DNAH10: variants seen among roughly 807,000 people sequenced by gnomAD.
The protein encoded by DNAH10 is axonemal beta dynein heavy chain 10.
In DNAH10, 348 loss-of-function variants were observed where a neutral mutation model predicts 506.6. The observed-to-expected ratio is 0.69, with a 90% CI of 0.63 to 0.75. DNAH10 has a LOEUF of 0.75. DNAH10 is among the 30% of genes least tolerant of loss of function. DNAH10 has a pLI of 0.00. For missense variants in DNAH10, 5,179 were observed against 5,787.1 expected (o/e 0.89, Z 3.41); for synonymous variants, 2,059 against 2,198.6 (o/e 0.94, Z 1.78).
rs1954462345 is a variant in DNAH10 at position 123,916,028 on chromosome 12, C to T, written c.10723-429C>T. Among the ~76,000 whole-genome samples, 1 of 152,166 alleles carries T rather than the reference C, an allele frequency of 6.6e-6. No homozygotes were observed. The highest frequency in any genetic ancestry group is 2.4e-5 in the African/African-American group (1 of 41,434). On this transcript the variant is annotated intron_variant, in intron 62 of 78. Coordinates refer to ENST00000673944, the MANE Select transcript of DNAH10 (RefSeq NM_001372106.1). The surrounding 1 kb of genome is among the most constrained non-coding windows in gnomAD (Gnocchi z 4.6). ...CTGTTAGAGGAAGCCCATTTGTACT[C>T]CAAGGTCAGGGGAACAGTCTGCCTC...
intron 21 of DNAH10, 101 bp downstream of exon 21, chr12:123,814,013 C>A: frequency 8.7e-7 from 1 of 1,143,016 alleles, no homozygotes; most frequent in South Asian, 1.8e-5. Flanking sequence ...GATTTGTTTT[C>A]AAATAAGTGA....
chr12:123,865,872 T>G, intron 40 of DNAH10, 79 bp from the exon 41 acceptor site: 5 of 1,395,414 alleles, frequency 3.6e-6, no homozygotes, highest in Non-Finnish European at 4.7e-6. Flanking sequence ...GTAAAAACTT[T>G]CCATAAGAGA....
At chr12:123,766,180 CATCT>C (rs1254547216) in intron 1 of DNAH10, among the ~76,000 whole-genome samples, 8 of 151,996 alleles carry the variant, frequency 5.3e-5, no homozygotes, top group South Asian at 2.1e-4. Context: ...TCTATCTATA[CATCT>C]ATCTATCTAT....
chr12:123,912,747 A>T (rs2137466129), intron 59 of DNAH10, among the ~76,000 whole-genome samples: 2 of 152,314 alleles, frequency 1.3e-5, no homozygotes, highest in South Asian at 4.1e-4. Context: ...TATAGCTCGG[A>T]ATTGTATTAT....
At position 123,853,117 on chromosome 12, in the gene DNAH10, G is replaced by T. The variant is rs183668076; in HGVS notation, c.6292-89G>T. The T allele has an allele frequency of 7.4e-7, 1 of 1,344,450 alleles. No individual in the cohort carries two copies. Among genetic ancestry groups the T allele is most frequent in the East Asian group, 2.6e-5 (1 of 38,832 alleles). 83.3% of individuals were successfully genotyped at this position (1,344,450 alleles called of 1,614,324 possible). On this transcript the variant is annotated intron_variant, in intron 35 of 78. Coordinates refer to ENST00000673944, the MANE Select transcript of DNAH10 (RefSeq NM_001372106.1). The surrounding 1 kb of genome is among the most constrained non-coding windows in gnomAD (Gnocchi z 4.7). Reference sequence around the variant, plus strand: ...CAGCTGCACTGGAACACCTGCCCCCGTTTTCTTGCATTTGTAGAATGATGC... The same window carrying T: ...CAGCTGCACTGGAACACCTGCCCCCTTTTTCTTGCATTTGTAGAATGATGC...
chr12:123,890,752 ATTCAC>A (rs2137156885), intron 52 of DNAH10, among the ~76,000 whole-genome samples: 1 of 152,250 alleles, frequency 6.6e-6, no homozygotes, highest in South Asian at 2.1e-4. Flanking sequence ...AAGTGGGTGG[ATTCAC>A]GAGGTATTCA....
intron 51 of DNAH10, among the ~76,000 whole-genome samples, chr12:123,882,733 A>C (rs1445973310): frequency 6.9e-6 from 1 of 144,506 alleles, no homozygotes; most frequent in African/African-American, 2.6e-5. Context: ...CAGAGGTTGC[A>C]GTGAGCTGAG....
In DNAH10 at chr12:123,851,072, C is replaced by A. The variant is rs1439728117; in HGVS notation, c.6287C>A (p.Ala2096Asp). Reference protein sequence around the residue: ...IMLFSEGFLEAKTLAKKMTVL... With the variant: ...IMLFSEGFLEDKTLAKKMTVL... ...CTCTTCTCTGAGGGCTTCCTGGAGG[C>A]CAAGGTGGGGGGCCTTGGCAGCGCC... Residue 2096 changes from alanine (A) to aspartate (D), a missense_variant, in exon 35 of 79, where the codon GCC (alanine) becomes GAC (aspartate). Ala to Asp is a moderately radical substitution (Grantham distance 126). This residue lies in a region of DNAH10 where 4,844 missense variants were observed against 5,430.5 expected (regional missense o/e 0.89). Coordinates refer to ENST00000673944, the MANE Select transcript of DNAH10 (RefSeq NM_001372106.1). The A allele has an allele frequency of 6.3e-7, 1 of 1,598,464 alleles. No homozygotes were observed. Among genetic ancestry groups the A allele is most frequent in the African/African-American group, 1.3e-5 (1 of 74,588 alleles).
chr12:123,838,551 G>A lies in DNAH10; in HGVS notation c.4998G>A (p.Glu1666=), dbSNP rs1176772496. The part of the protein sequence containing the change: ...SDLQNVSEGL[E]KCQKSLNDYL... Reference sequence around the variant, plus strand: ...TACAGAACGTCAGCGAGGGCCTGGAGAAATGCCAGAAAAGCCTCAACGACT... The same window carrying A: ...TACAGAACGTCAGCGAGGGCCTGGAAAAATGCCAGAAAAGCCTCAACGACT... The change falls in exon 29 of 79, where the codon GAG becomes GAA. Residue 1666 remains glutamate (E), a synonymous_variant. Coordinates refer to ENST00000673944, the MANE Select transcript of DNAH10 (RefSeq NM_001372106.1). 4 of 1,613,916 alleles carry A rather than the reference G, an allele frequency of 2.5e-6. No homozygotes were observed. The African/African-American group carries it at 5.3e-5, about 22-fold the overall frequency.
rs371788756 is a variant in DNAH10 at position 123,783,273 on chromosome 12, T to C, written c.999+9T>C. On this transcript the variant is annotated intron_variant, in intron 7 of 78. Coordinates refer to ENST00000673944, the MANE Select transcript of DNAH10 (RefSeq NM_001372106.1). ...TGAAGAAGACACCTCAGGTAGTTTG[T>C]GCAGGGCTTTCAGAGAGCCCCGATC... is the stretch of plus-strand genomic sequence containing the variant. 30 of 1,613,198 alleles carry C rather than the reference T, an allele frequency of 1.9e-5. No individual in the cohort carries two copies. In the African/African-American group the frequency reaches 3.5e-4, roughly 19 times the overall value.
At chr12:123,847,019 C>T (rs1437970928) in intron 32 of DNAH10, among the ~76,000 whole-genome samples, 1 of 152,022 alleles carries the variant, frequency 6.6e-6, no homozygotes, top group Non-Finnish European at 1.5e-5. Context: ...GTTAGGGTTC[C>T]ACAGAGAAAT....
chr12:123,933,397 G>A lies in DNAH10; in HGVS notation c.13363G>A (p.Ala4455Thr). The change falls in exon 77 of 79, where the codon GCG (alanine) becomes ACG (threonine). Residue 4455 changes from alanine to threonine, a missense_variant. This residue lies in a region of DNAH10 where 4,844 missense variants were observed against 5,430.5 expected (regional missense o/e 0.89). Transcript: ENST00000673944. ...GLHIPESYLT[A>T]LVQATCRKNG... is the part of the protein sequence containing the mutation. ...GCACATCCCTGAGTCCTACCTCACG[G>A]CGCTGGTGCAGGCCACCTGCCGGAA... 6.2e-7 allele frequency: 1 copy of A among 1,611,738 alleles called. No individual in the cohort carries two copies. Among genetic ancestry groups the A allele is most frequent in the East Asian group, 2.2e-5 (1 of 44,832 alleles).
rs747263454 is a variant in DNAH10, at chr12:123,877,798, C to G, written c.8262C>G (p.Tyr2754Ter). ...TGACATTCTGCACGCTAGCACTTTA[C>G]AAAAATATTGTGCAAGACCTACCTC... ...GKLTFCTLAL[Y>*]KNIVQDLPPT... The change falls in exon 48 of 79, where the codon TAC becomes TAG. Residue 2754 changes from tyrosine to a stop codon, truncating the protein, a stop_gained. Coordinates refer to ENST00000673944, the MANE Select transcript of DNAH10 (RefSeq NM_001372106.1). LOFTEE classifies it high-confidence loss of function. The G allele has an allele frequency of 8.1e-6, 13 of 1,613,806 alleles. No homozygotes were observed. The highest frequency in any genetic ancestry group is 3.4e-6 in the Non-Finnish European group (4 of 1,179,894).
chr12:123,909,302 A>C lies in DNAH10; in HGVS notation c.9857A>C (p.Glu3286Ala), dbSNP rs531284346. 2.5e-6 allele frequency: 4 copies of C among 1,613,544 alleles called. No homozygotes were observed. The African/African-American group carries it at 5.3e-5, about 21-fold the overall frequency. Residue 3286 changes from glutamate (E) to alanine (A), a missense_variant, in exon 58 of 79, where the codon GAA becomes GCA. Coordinates refer to ENST00000673944, the MANE Select transcript of DNAH10 (RefSeq NM_001372106.1). This position sits in a 1 kb window ranked among gnomAD's most constrained non-coding sequence, Gnocchi z 5.4. ...CCGAAGCAGGTGCAGACGGTCTGCG[A>C]ATGCATCCTCATCATGAAAGGGTAC... is the stretch of plus-strand genomic sequence containing the variant. ...KPPKQVQTVCECILIMKGYKE... is the reference protein window; with the variant it reads ...KPPKQVQTVCACILIMKGYKE...
At chr12:123,896,102 G>T (rs1953206757) in intron 54 of DNAH10, among the ~76,000 whole-genome samples, 1 of 110,428 alleles carries the variant, frequency 9.1e-6, no homozygotes, top group Admixed American at 9.3e-5. Context: ...GGCACAGTGA[G>T]ACTTTATCTC....
chr12:123,776,406 G>A (rs1040131573), intron 5 of DNAH10, among the ~76,000 whole-genome samples: 1 of 151,890 alleles, frequency 6.6e-6, no homozygotes, highest in South Asian at 2.1e-4. Flanking sequence ...CAGCCTGGGC[G>A]ATATAGCAAG....
At chr12:123,887,489 T>A (rs1952789682) in intron 52 of DNAH10, among the ~76,000 whole-genome samples, 176 bp downstream of exon 52, 1 of 152,126 alleles carries the variant, frequency 6.6e-6, no homozygotes, top group Non-Finnish European at 1.5e-5. Flanking sequence ...GCTCCTCCTG[T>A]CCTGGAGTCT....
At chr12:123,868,529 G>C (rs1951901255) in intron 43 of DNAH10, among the ~76,000 whole-genome samples, 1 of 152,096 alleles carries the variant, frequency 6.6e-6, no homozygotes, top group Admixed American at 6.5e-5. Context: ...CTGAGTATTT[G>C]CACAGTAGAC....
chr12:123,834,590 A>T (rs1248621009), intron 27 of DNAH10, among the ~76,000 whole-genome samples: 1 of 152,258 alleles, frequency 6.6e-6, no homozygotes, highest in African/African-American at 2.4e-5. Flanking sequence ...CATTTAGTAC[A>T]TTCACAGTGT....
Sources: allele counts gnomAD v4.1 joint callset (sites outside exome capture counted in the v4.1 genomes callset), GRCh38; gene constraint gnomAD v4.1.1; regional missense constraint gnomAD v4.1.1; non-coding constraint Gnocchi (gnomAD v3.1); transcripts MANE v1.5; gene names NCBI Gene and HGNC (gene_info 2026-07-23, HGNC 2026-07-21).